The following PCDHA3 variants were observed in gnomAD, a reference collection of about 807,000 sequenced individuals.
PCDHA3 encodes the protein protocadherin alpha 3, also known as protocadherin alpha-3.
PCDHA3 carries 41 observed loss-of-function variants against 62.2 expected under a neutral mutation model. That is an observed-to-expected ratio of 0.66 (90% CI 0.51 to 0.86). The LOEUF is 0.86. Among genes scored for constraint, PCDHA3 ranks in the 40% least tolerant of loss-of-function variants. PCDHA3 has a pLI of 0.00. For missense variants in PCDHA3, 1,304 were observed against 1,241.2 expected (o/e 1.05, Z -0.76); for synonymous variants, 640 against 555.4 (o/e 1.15, Z -2.14).
At chr5:140,941,198 T>TCTTC (rs202127003) in intron 1 of PCDHA3, among the ~76,000 whole-genome samples, 5 of 119,810 alleles carry the variant, frequency 4.2e-5, no homozygotes, top group Non-Finnish European at 7.0e-5. Flanking sequence ...TTTTTTTCTT[T>TCTTC]CTTCCTTTCT....
At chr5:140,882,262 G>GTGTA (rs781901698) in intron 1 of PCDHA3, 2 of 1,605,126 alleles carry the variant, frequency 1.2e-6, no homozygotes, top group Non-Finnish European at 1.7e-6. Context: ...GGTTTTTGGA[G>GTGTA]TGTACCATGC....
At chr5:140,807,461 C>T in intron 1 of PCDHA3, 1 of 1,608,438 alleles carries the variant, frequency 6.2e-7, no homozygotes, top group Admixed American at 1.7e-5. Context: ...TCGGATCGAC[C>T]GGGAGGAGCT....
chr5:140,828,715 C>A (rs1301928417), intron 1 of PCDHA3: 2 of 1,614,156 alleles, frequency 1.2e-6, no homozygotes, highest in Non-Finnish European at 1.7e-6. Flanking sequence ...CTCCTGCACA[C>A]AACTTATTCC....
intron 1 of PCDHA3, chr5:140,862,954 T>C (rs781926222): frequency 1.5e-5 from 8 of 542,620 alleles, no homozygotes; most frequent in Non-Finnish European, 2.2e-5. Flanking sequence ...TGGTGCGGTA[T>C]TCAGTGGATG....
intron 1 of PCDHA3, among the ~76,000 whole-genome samples, chr5:140,838,012 A>G (rs2150146283): frequency 6.6e-6 from 1 of 151,110 alleles, no homozygotes; most frequent in East Asian, 1.9e-4. Flanking sequence ...TAAAAAAAGA[A>G]GTGATTACAG....
At chr5:140,892,011 A>G (rs1001369849) in intron 1 of PCDHA3, among the ~76,000 whole-genome samples, 10 of 152,244 alleles carry the variant, frequency 6.6e-5, no homozygotes, top group African/African-American at 2.4e-4. Flanking sequence ...CTGTTATAGC[A>G]GCACAAATGG....
chr5:141,007,094 A>G (rs559556000), intron 3 of PCDHA3, among the ~76,000 whole-genome samples: 1 of 152,300 alleles, frequency 6.6e-6, no homozygotes, highest in Admixed American at 6.5e-5. Context: ...AAGAGAGTCT[A>G]GGGCCAAACC....
At chr5:140,877,540 G>A (rs1044322759) in intron 1 of PCDHA3, 2 of 1,613,770 alleles carry the variant, frequency 1.2e-6, no homozygotes, top group East Asian at 2.2e-5. Flanking sequence ...TGTGGATCCC[G>A]AAGCGGCTCT....
rs186756859 is a variant in PCDHA3, at chr5:140,846,728, A to G, written c.2394+43137A>G. 4.0e-5 allele frequency among the ~76,000 whole-genome samples: 6 copies of G among 149,464 alleles called. 1 individual carries two copies. The highest frequency in any genetic ancestry group is 2.0e-4 in the Admixed American group (3 of 14,884). On this transcript the variant is annotated intron_variant, in intron 1 of 3. Transcript: ENST00000522353. ...TTGTAATAACCAGTCTTCATTAAACATTAAATAGGACCCTTACAGATCTCT... is the reference window on the plus strand; with the variant it reads ...TTGTAATAACCAGTCTTCATTAAACGTTAAATAGGACCCTTACAGATCTCT...
chr5:140,902,171 A>T, intron 1 of PCDHA3, among the ~76,000 whole-genome samples: 1 of 144,502 alleles, frequency 6.9e-6, no homozygotes, highest in Non-Finnish European at 1.5e-5. Flanking sequence ...TCTAATTTGG[A>T]TGTCCTTTAT....
chr5:140,810,012 T>C (rs186188857), intron 1 of PCDHA3: 1 of 155,996 alleles, frequency 6.4e-6, no homozygotes, highest in East Asian at 1.9e-4. Context: ...TTATTTTTCC[T>C]CCAGTGTAAC....
intron 1 of PCDHA3, among the ~76,000 whole-genome samples, chr5:140,908,977 A>T (rs1461491727): frequency 6.6e-6 from 1 of 152,168 alleles, no homozygotes; most frequent in Non-Finnish European, 1.5e-5. Context: ...GCCCCACTCC[A>T]CTGGACCCCT....
chr5:140,905,643 A>G (rs532700036), intron 1 of PCDHA3, among the ~76,000 whole-genome samples: 1 of 152,306 alleles, frequency 6.6e-6, no homozygotes, highest in Non-Finnish European at 1.5e-5. Context: ...TCAGTTTCAC[A>G]GTATTGATTC....
At chr5:140,993,462 TCACACACA>T (rs3836747) in intron 3 of PCDHA3, among the ~76,000 whole-genome samples, 8,792 of 140,974 alleles carry the variant, frequency 0.062, 316 homozygotes, top group South Asian at 0.11. Flanking sequence ...TCTTTCTTTC[TCACACACA>T]CACACACACA....
chr5:140,900,438 C>T (rs573115268), intron 1 of PCDHA3, among the ~76,000 whole-genome samples: 21 of 152,234 alleles, frequency 1.4e-4, no homozygotes, highest in South Asian at 8.3e-4. Flanking sequence ...CCACCACGGC[C>T]GGCTAATTTT....
intron 3 of PCDHA3, among the ~76,000 whole-genome samples, chr5:141,000,387 CTCTCTCTCTA>C (rs1244377903): frequency 2.3e-3 from 152 of 66,802 alleles, no homozygotes; most frequent in African/African-American, 4.6e-3. Flanking sequence ...CTCTCTCTCT[CTCTCTCTCTA>C]TATATATATA....
At chr5:140,909,995 A>G (rs1315885700) in intron 1 of PCDHA3, among the ~76,000 whole-genome samples, 2 of 152,178 alleles carry the variant, frequency 1.3e-5, no homozygotes, top group African/African-American at 4.8e-5. Flanking sequence ...AACAGCATAA[A>G]TTGTTGTCAG....
rs1483756278 is a variant in PCDHA3, at chr5:140,982,223, T to TA, written c.2454-246dup. On this transcript the variant is annotated intron_variant, in intron 2 of 3. Transcript: ENST00000522353. Reference sequence around the variant, plus strand: ...TTTAGTGAGCGCCACATGGCGTTAATAAAAAACAGAATTGCCATAAAGATA... The same window carrying TA: ...TTTAGTGAGCGCCACATGGCGTTAATAAAAAAACAGAATTGCCATAAAGATA... 8.6e-6 allele frequency: 5 copies of TA among 580,096 alleles called. No homozygotes were observed. In the East Asian group the frequency reaches 1.2e-4, roughly 14 times the overall value. The allele number at this position is 580,096 out of a possible 1,614,324, so 35.9% of individuals were successfully genotyped here. A position where few individuals can be genotyped will look rare whatever the true frequency, so the allele number is the denominator to read the frequency against.
At chr5:140,986,135 A>G (rs2097188048) in intron 3 of PCDHA3, among the ~76,000 whole-genome samples, 1 of 152,256 alleles carries the variant, frequency 6.6e-6, no homozygotes, top group Non-Finnish European at 1.5e-5. Flanking sequence ...GAAAGGATCA[A>G]CAAGGGCATC....
Sources: gnomAD v4.1 joint callset for allele counts (sites outside exome capture counted in the v4.1 genomes callset) on GRCh38, gnomAD v4.1.1 for gene constraint, MANE v1.5 for transcripts, NCBI Gene and HGNC (gene_info 2026-07-23, HGNC 2026-07-21) for gene names.